TTLL5: variants seen among roughly 807,000 people sequenced by gnomAD.
The protein encoded by TTLL5 is tubulin polyglutamylase TTLL5.
Under a neutral mutation model 168.4 loss-of-function variants are expected in TTLL5, and 132 were observed. The observed-to-expected ratio is 0.78, with a 90% CI of 0.68 to 0.91. The LOEUF is 0.91. Among genes scored for constraint, TTLL5 ranks in the 40% least tolerant of loss-of-function variants. The pLI, the probability that TTLL5 is intolerant of heterozygous loss-of-function variation, is 0.00. For missense variants in TTLL5, 1,545 were observed against 1,581.5 expected (o/e 0.98, Z 0.39); for synonymous variants, 546 against 558.6 (o/e 0.98, Z 0.32).
At chr14:75,730,961 G>A (rs1888494326) in intron 12 of TTLL5, among the ~76,000 whole-genome samples, 2 of 152,006 alleles carry the variant, frequency 1.3e-5, no homozygotes, top group Non-Finnish European at 2.9e-5. Context: ...CTCGTGATCT[G>A]CCTGCCTCGG....
chr14:75,908,188 A>G (rs985951191), intron 31 of TTLL5, among the ~76,000 whole-genome samples: 1 of 151,576 alleles, frequency 6.6e-6, no homozygotes, highest in African/African-American at 2.5e-5. Flanking sequence ...ATGAGACAGC[A>G]TGTGTGTATG....
At chr14:75,755,834 T>C (rs1890222654) in intron 18 of TTLL5, among the ~76,000 whole-genome samples, 1 of 152,190 alleles carries the variant, frequency 6.6e-6, no homozygotes, top group South Asian at 2.1e-4. Context: ...AATTCTCTAC[T>C]CATTTCTTTT....
intron 3 of TTLL5, among the ~76,000 whole-genome samples, chr14:75,670,324 A>G (rs900804312): frequency 6.6e-6 from 1 of 152,106 alleles, no homozygotes; most frequent in Non-Finnish European, 1.5e-5. Context: ...GGTTACATGC[A>G]TAATCCACTG....
intron 21 of TTLL5, among the ~76,000 whole-genome samples, chr14:75,773,973 G>GAGAGAGAGAGAGAAAGAGAGAA (rs1891554519): frequency 7.6e-6 from 1 of 131,054 alleles, no homozygotes; most frequent in African/African-American, 3.0e-5. Flanking sequence ...GAGAGAGAGA[G>GAGAGAGAGAGAGAAAGAGAGAA]AGAGAGAGAG....
chr14:75,795,790 GTATA>G (rs1229663435), intron 27 of TTLL5, among the ~76,000 whole-genome samples: 1 of 152,030 alleles, frequency 6.6e-6, no homozygotes, highest in Non-Finnish European at 1.5e-5. Context: ...AGTCCATGGT[GTATA>G]TATATACACA....
At chr14:75,720,845 T>C (rs1887789562) in intron 12 of TTLL5, 142 bp downstream of exon 12, 3 of 707,438 alleles carry the variant, frequency 4.2e-6, no homozygotes, top group Non-Finnish European at 7.3e-6. Context: ...ATGTAGCATA[T>C]GAAGAGCCTA....
intron 28 of TTLL5, among the ~76,000 whole-genome samples, chr14:75,831,272 T>A (rs1895544074): frequency 6.6e-6 from 1 of 152,214 alleles, no homozygotes; most frequent in African/African-American, 2.4e-5. Flanking sequence ...GATCTGGAGA[T>A]TTACTACAGA....
intron 30 of TTLL5, among the ~76,000 whole-genome samples, chr14:75,896,489 C>A (rs2032667535): frequency 6.6e-6 from 1 of 152,138 alleles, no homozygotes; most frequent in African/African-American, 2.4e-5. Context: ...CCTGTAAAAT[C>A]TTGAGCATTT....
chr14:75,870,405 GC>G (rs2030931049), intron 29 of TTLL5, among the ~76,000 whole-genome samples: 1 of 152,106 alleles, frequency 6.6e-6, no homozygotes, highest in African/African-American at 2.4e-5. Context: ...ACCACGCCCG[GC>G]CTCTCCTCAA....
chr14:75,791,218 T>C (rs1892700715), intron 26 of TTLL5, among the ~76,000 whole-genome samples: 3 of 152,092 alleles, frequency 2.0e-5, no homozygotes, highest in Admixed American at 2.0e-4. Context: ...AGCTTTTCTA[T>C]ACGTGTGCCA....
At chr14:75,839,779 TC>T (rs1241339909) in intron 28 of TTLL5, among the ~76,000 whole-genome samples, 2 of 152,184 alleles carry the variant, frequency 1.3e-5, no homozygotes, top group African/African-American at 4.8e-5. Flanking sequence ...ACGGGTGTGA[TC>T]TCACTGTAGT....
At chr14:75,846,156 T>G (rs746224278) in intron 28 of TTLL5, among the ~76,000 whole-genome samples, 1 of 152,258 alleles carries the variant, frequency 6.6e-6, no homozygotes, top group Non-Finnish European at 1.5e-5. Context: ...TTGTATAATA[T>G]TTACAATTTA....
Position 75,701,770 on chromosome 14 carries a change from G to A in TTLL5, c.585+2500G>A, listed in dbSNP as rs112481296. 6.5e-3 allele frequency among the ~76,000 whole-genome samples: 983 copies of A among 152,284 alleles called. 6 individuals are homozygous for A. The highest frequency in any genetic ancestry group is 9.7e-3 in the African/African-American group (404 of 41,554). The stretch of plus-strand genomic sequence containing the variant: ...TTCTAATTCCTTGGCTGATCCCTGA[G>A]CTTCATGTTTGTTGAGTACAAGCTT... On this transcript the variant is annotated intron_variant, in intron 7 of 31. Transcript: ENST00000298832.
chr14:75,813,832 A>G (rs1894214478), intron 27 of TTLL5, among the ~76,000 whole-genome samples: 2 of 151,676 alleles, frequency 1.3e-5, no homozygotes, highest in East Asian at 3.9e-4. Context: ...TCAATTAAAA[A>G]AAAAAAAAAA....
At chr14:75,828,571 G>C (rs941700912) in intron 28 of TTLL5, among the ~76,000 whole-genome samples, 6 of 150,802 alleles carry the variant, frequency 4.0e-5, no homozygotes, top group East Asian at 2.0e-4. Flanking sequence ...GAGTTTTTGT[G>C]GGGGGTCAGA....
intron 27 of TTLL5, among the ~76,000 whole-genome samples, chr14:75,793,422 T>C (rs1164564316): frequency 6.6e-6 from 1 of 152,248 alleles, no homozygotes; most frequent in African/African-American, 2.4e-5. Context: ...GGTAAAATTT[T>C]CCAGTGAGTT....
chr14:75,752,634 AAATGCT>A (rs1435895218), intron 17 of TTLL5, among the ~76,000 whole-genome samples: 5 of 152,086 alleles, frequency 3.3e-5, no homozygotes, highest in African/African-American at 9.7e-5. Flanking sequence ...TTAATCCAAG[AAATGCT>A]GGTTTTTCTT....
At chr14:75,773,718 G>A (rs567860270) in intron 21 of TTLL5, among the ~76,000 whole-genome samples, 8 of 151,132 alleles carry the variant, frequency 5.3e-5, no homozygotes, top group African/African-American at 9.7e-5. Flanking sequence ...GTGAAACCCC[G>A]TCTCTACTAA....
Position 75,728,112 on chromosome 14 carries a change from T to C in TTLL5, c.1043-4226T>C, listed in dbSNP as rs377125897. Among the ~76,000 whole-genome samples, 27 of 152,154 alleles carry C rather than the reference T, an allele frequency of 1.8e-4. No homozygotes were observed. The East Asian group carries it at 4.1e-3, about 23-fold the overall frequency. ...GGCTCACGCCTGTAATCCCAGCACT[T>C]TGGGAGGCCAAGGAGGGTGGATCAC... On this transcript the variant is annotated intron_variant, in intron 12 of 31. Coordinates refer to ENST00000298832, the MANE Select transcript of TTLL5 (RefSeq NM_015072.5).
Sources: gnomAD v4.1 joint callset for allele counts (sites outside exome capture counted in the v4.1 genomes callset) on GRCh38, gnomAD v4.1.1 for gene constraint, MANE v1.5 for transcripts, NCBI Gene and HGNC (gene_info 2026-07-23, HGNC 2026-07-21) for gene names.